The following TRPM7 variants were observed in gnomAD, a reference collection of about 807,000 sequenced individuals.
TRPM7 encodes the protein LTRPC ion channel family member 7.
A neutral mutation model predicts 229.7 loss-of-function variants in TRPM7; 134 were observed. That is an observed-to-expected ratio of 0.58 (90% CI 0.51 to 0.67). The LOEUF (loss-of-function observed/expected upper bound fraction) is 0.67, where lower values mean the gene tolerates loss of function less well. TRPM7 is among the 30% of genes least tolerant of loss of function. The pLI is 0.00. For missense variants in TRPM7, 1,901 were observed against 2,210.0 expected, an observed-to-expected ratio of 0.86 and a Z score of 2.80; for synonymous variants, 699 against 715.2, an observed-to-expected ratio of 0.98 and a Z score of 0.36.
intron 19 of TRPM7, among the ~76,000 whole-genome samples, chr15:50,608,978 C>T (rs1378405195): frequency 6.6e-6 from 1 of 152,174 alleles, no homozygotes; most frequent in Non-Finnish European, 1.5e-5. Flanking sequence ...ACATAAACAC[C>T]TACATTTCAA....
intron 7 of TRPM7, among the ~76,000 whole-genome samples, chr15:50,636,260 A>G (rs1301348786): frequency 1.3e-5 from 2 of 149,780 alleles, no homozygotes; most frequent in Non-Finnish European, 3.0e-5. Context: ...ATCTTGGCTC[A>G]CCTCACTGCA....
intron 1 of TRPM7, among the ~76,000 whole-genome samples, chr15:50,663,488 A>T (rs1341915639): frequency 2.0e-5 from 3 of 152,154 alleles, no homozygotes; most frequent in African/African-American, 7.2e-5. Context: ...TAATCTGAGG[A>T]TGGCACCCCA....
At position 50,559,058 on chromosome 15, in the gene TRPM7, AT is replaced by A. The variant is rs397939673; in HGVS notation, c.*2619del. 1.4e-3 allele frequency: 204 copies of A among 143,454 alleles called. No homozygotes were observed. Among genetic ancestry groups the A allele is most frequent in the Middle Eastern group, 3.5e-3 (1 of 286 alleles). 8.9% of individuals were successfully genotyped at this position (143,454 alleles called of 1,614,324 possible). On this transcript the variant is annotated 3_prime_UTR_variant, in exon 39 of 39. Coordinates refer to ENST00000646667, the MANE Select transcript of TRPM7 (RefSeq NM_017672.6). ...CAGGTGCACACCATCACATCCAGTT[AT>A]TTTTTTTTTTTTGACGGAGTCTCGC...
At chr15:50,563,914 C>T (rs1298620515) in intron 38 of TRPM7, among the ~76,000 whole-genome samples, 1 of 152,022 alleles carries the variant, frequency 6.6e-6, no homozygotes, top group Non-Finnish European at 1.5e-5. Context: ...GGCTGAAGTG[C>T]AGTGGCACGA....
intron 38 of TRPM7, among the ~76,000 whole-genome samples, chr15:50,566,047 C>A (rs1425809739): frequency 6.6e-6 from 1 of 151,734 alleles, no homozygotes; most frequent in Non-Finnish European, 1.5e-5. Context: ...TTGGTATCGA[C>A]CTCCTGACTT....
chr15:50,680,735 A>G (rs1309468326), intron 1 of TRPM7, among the ~76,000 whole-genome samples: 1 of 152,278 alleles, frequency 6.6e-6, no homozygotes, highest in Admixed American at 6.5e-5. Context: ...AAAAAACCTT[A>G]ACTTTTTTAA....
chr15:50,642,430 G>A (rs564912186), intron 5 of TRPM7, among the ~76,000 whole-genome samples: 1 of 152,294 alleles, frequency 6.6e-6, no homozygotes, highest in East Asian at 1.9e-4. Context: ...ATCTTGAATT[G>A]TAATCCCTAT....
intron 16 of TRPM7, among the ~76,000 whole-genome samples, chr15:50,611,616 T>C (rs2060064201): frequency 6.6e-6 from 1 of 152,190 alleles, no homozygotes; most frequent in African/African-American, 2.4e-5. Context: ...AATGCTACAA[T>C]GCTCTGTTCA....
intron 1 of TRPM7, among the ~76,000 whole-genome samples, chr15:50,674,587 G>A (rs2062055006): frequency 1.3e-5 from 2 of 152,000 alleles, no homozygotes; most frequent in Admixed American, 6.6e-5. Context: ...CACCATTATG[G>A]TATTAGAGTA....
chr15:50,656,499 CTTTTTTTT>C (rs75557468), intron 3 of TRPM7, among the ~76,000 whole-genome samples: 4 of 133,510 alleles, frequency 3.0e-5, no homozygotes, highest in African/African-American at 8.3e-5. Flanking sequence ...GTGTGGTTTT[CTTTTTTTT>C]TTTTTTTTGG....
chr15:50,681,264 T>TACACACAC (rs72070923), intron 1 of TRPM7, among the ~76,000 whole-genome samples: 12,449 of 146,934 alleles, frequency 0.085, 565 homozygotes, highest in Non-Finnish European at 0.1. Context: ...AATAAATAAA[T>TACACACAC]ACACACACAC....
intron 21 of TRPM7, among the ~76,000 whole-genome samples, chr15:50,601,037 AAAAAGT>A (rs1278113398): frequency 6.6e-6 from 1 of 152,234 alleles, no homozygotes; most frequent in Non-Finnish European, 1.5e-5. Flanking sequence ...ATTGCAAAAC[AAAAAGT>A]ATATTAAAAG....
At chr15:50,611,342 A>G in intron 16 of TRPM7, 21 bp from the exon 17 acceptor site, 1 of 1,587,406 alleles carries the variant, frequency 6.3e-7, no homozygotes, top group East Asian at 2.3e-5. Flanking sequence ...ATAAAAGCCA[A>G]AATATACTCA....
chr15:50,644,799 A>AAG (rs2140796675), intron 4 of TRPM7, among the ~76,000 whole-genome samples: 1 of 97,104 alleles, frequency 1.0e-5, no homozygotes, highest in South Asian at 3.2e-4. Flanking sequence ...CTGCGTCTCA[A>AAG]AAAAAAAAAA....
intron 5 of TRPM7, 25 bp from the exon 6 acceptor site, chr15:50,639,573 TTTTG>T (rs1284230966): frequency 1.9e-6 from 3 of 1,596,202 alleles, no homozygotes; most frequent in Non-Finnish European, 8.5e-7. Flanking sequence ...AGTTTATTCA[TTTTG>T]TTTTTTTTAT....
At chr15:50,625,777 A>G (rs1383113583) in intron 11 of TRPM7, among the ~76,000 whole-genome samples, 1 of 152,184 alleles carries the variant, frequency 6.6e-6, no homozygotes, top group African/African-American at 2.4e-5. Context: ...GTTTTCTGTG[A>G]CATTTTTCAA....
At chr15:50,594,252 C>T (rs1342581662) in intron 24 of TRPM7, among the ~76,000 whole-genome samples, 177 bp downstream of exon 24, 1 of 152,120 alleles carries the variant, frequency 6.6e-6, no homozygotes, top group Admixed American at 6.5e-5. Flanking sequence ...ATGCTAAATC[C>T]ATTTTTATAG....
rs2054501343 is a variant in TRPM7, at chr15:50,583,089, C to T, written c.4557G>A (p.Pro1519=). 3 of 1,590,080 alleles carry T rather than the reference C, an allele frequency of 1.9e-6. No homozygotes were observed. Among genetic ancestry groups the T allele is most frequent in the South Asian group, 2.3e-5 (2 of 86,274 alleles). The part of the protein sequence containing the change: ...HEVDSKAALI[P]DWLQDRPSNR... ...ATCTGTTTAGTTGAAATCTACAAAC[C>T]GGTATTAAAGCTGCTTTGGAATCTA... The change falls in exon 29 of 39, where the codon CCG becomes CCA. Residue 1519 remains proline, a splice_region_variant and synonymous_variant. Coordinates refer to ENST00000646667, the MANE Select transcript of TRPM7 (RefSeq NM_017672.6).
intron 27 of TRPM7, among the ~76,000 whole-genome samples, chr15:50,588,945 C>T (rs1172785836): frequency 6.6e-6 from 1 of 152,098 alleles, no homozygotes; most frequent in Non-Finnish European, 1.5e-5. Context: ...GGGTCATGTT[C>T]AAATAAAACT....
Sources: gnomAD v4.1 joint callset for allele counts (sites outside exome capture counted in the v4.1 genomes callset) on GRCh38, gnomAD v4.1.1 for gene constraint, MANE v1.5 for transcripts, NCBI Gene and HGNC (gene_info 2026-07-23, HGNC 2026-07-21) for gene names.